Variants in TEKT1 observed in about 807,000 individuals in gnomAD.
The protein encoded by TEKT1 is tektin-1.
In TEKT1, 32 loss-of-function variants were observed where a neutral mutation model predicts 34.8. The observed-to-expected ratio is 0.92, with a 90% CI of 0.69 to 1.23. TEKT1 has a LOEUF of 1.23. Ranked by LOEUF, TEKT1 falls within the 50% of genes most tolerant of loss-of-function variation. The pLI, the probability that TEKT1 is intolerant of heterozygous loss-of-function variation, is 0.00. For synonymous variants in TEKT1, 207 were observed against 199.8 expected, an observed-to-expected ratio of 1.04 and a Z score of -0.30; for missense variants, 492 against 518.5, an observed-to-expected ratio of 0.95 and a Z score of 0.50.
rs376531694 is a variant in TEKT1, at chr17:6,798,337, C to T, written c.*1690G>A. The T allele has an allele frequency of 5.9e-5, 9 of 152,398 alleles. No homozygotes were observed. The East Asian group carries it at 1.4e-3, about 23-fold the overall frequency. The allele number at this position is 152,398 out of a possible 1,614,324, so 9.4% of individuals were successfully genotyped here. On this transcript the variant is annotated 3_prime_UTR_variant, in exon 8 of 8. Coordinates refer to ENST00000338694, the MANE Select transcript of TEKT1 (RefSeq NM_053285.2). ...GCTGGCTGCCTCTGAGAGCTGTATT[C>T]ACAAGGAAGGATTTTGCCCAGTGTC...
intron 2 of TEKT1, among the ~76,000 whole-genome samples, chr17:6,828,923 G>A (rs1454992236): frequency 6.6e-6 from 1 of 152,036 alleles, no homozygotes; most frequent in Non-Finnish European, 1.5e-5. Flanking sequence ...GGCTGAGGCG[G>A]GCGGACCACC....
chr17:6,830,063 G>A (rs1475390934), intron 2 of TEKT1, 124 bp downstream of exon 2: 4 of 979,232 alleles, frequency 4.1e-6, no homozygotes, highest in Non-Finnish European at 5.9e-6. Flanking sequence ...AGAACCTGGA[G>A]AATACACATG....
chr17:6,799,330 T>C lies in TEKT1; in HGVS notation c.*697A>G, dbSNP rs1423473706. The C allele has an allele frequency of 2.0e-5, 3 of 152,222 alleles. No individual in the cohort carries two copies. The highest frequency in any genetic ancestry group is 2.9e-5 in the Non-Finnish European group (2 of 68,044). 9.4% of individuals were successfully genotyped at this position (152,222 alleles called of 1,614,324 possible). On this transcript the variant is annotated 3_prime_UTR_variant, in exon 8 of 8. Coordinates refer to ENST00000338694, the MANE Select transcript of TEKT1 (RefSeq NM_053285.2). ...AAAAATAATCCTGAAATTGAGTTTA[T>C]GCCATGAGTACAATTGTGCAGAAAT...
intron 2 of TEKT1, among the ~76,000 whole-genome samples, chr17:6,819,612 C>G (rs1202859414): frequency 6.6e-6 from 1 of 152,218 alleles, no homozygotes. Context: ...TTTTTAATAA[C>G]TTTTAATTTT....
chr17:6,799,231 C>T lies in TEKT1; in HGVS notation c.*796G>A, dbSNP rs1263440994. 41 of 151,956 alleles carry T rather than the reference C, an allele frequency of 2.7e-4. No individual in the cohort carries two copies. Among genetic ancestry groups the T allele is most frequent in the South Asian group, 1.0e-3 (5 of 4,810 alleles). 9.4% of individuals were successfully genotyped at this position (151,956 alleles called of 1,614,324 possible). A position where few individuals can be genotyped will look rare whatever the true frequency, so the allele number is the denominator to read the frequency against. On this transcript the variant is annotated 3_prime_UTR_variant, in exon 8 of 8. Transcript: ENST00000338694. ...CTTGCTGAAAACTTGTAAAGAGGTA[C>T]GTAACCATTAAAATAATTATAAAGA...
intron 2 of TEKT1, among the ~76,000 whole-genome samples, chr17:6,826,841 A>G (rs964185265): frequency 1.2e-4 from 18 of 151,558 alleles, no homozygotes; most frequent in Admixed American, 2.6e-4. Flanking sequence ...GACTACAGGC[A>G]CCCGCCACCA....
At chr17:6,827,212 G>A (rs193140742) in intron 2 of TEKT1, among the ~76,000 whole-genome samples, 14 of 151,640 alleles carry the variant, frequency 9.2e-5, no homozygotes, top group Non-Finnish European at 1.9e-4. Flanking sequence ...CAGTACCTAC[G>A]GTAGAAGTCT....
In TEKT1 at chr17:6,830,310, G is replaced by A; in HGVS notation, c.67C>T (p.Gln23Ter). 1 of 1,611,820 alleles carries A rather than the reference G, an allele frequency of 6.2e-7. No individual in the cohort carries two copies. The highest frequency in any genetic ancestry group is 8.5e-7 in the Non-Finnish European group (1 of 1,179,672). ...CTTTGAGCGTCTGCTCTGTGGTACTGGTTCTTGTTAGCAATGTGCCACTCT... is the reference window on the plus strand; with the variant it reads ...CTTTGAGCGTCTGCTCTGTGGTACTAGTTCTTGTTAGCAATGTGCCACTCT... ...PSEWHIANKN[Q>*]YHRADAQRSR... The change falls in exon 2 of 8, where the codon CAG becomes TAG. Residue 23 changes from glutamine (Q) to a stop codon, truncating the protein, a stop_gained. Transcript: ENST00000338694. LOFTEE classifies it high-confidence loss of function.
chr17:6,813,180 C>A (rs1450386597), intron 5 of TEKT1, 127 bp from the exon 6 acceptor site: 2 of 767,420 alleles, frequency 2.6e-6, no homozygotes, highest in Non-Finnish European at 4.1e-6. Flanking sequence ...CTAGGCAGAG[C>A]AAATAGTGGT....
intron 4 of TEKT1, 112 bp from the exon 5 acceptor site, chr17:6,815,418 G>C: frequency 2.3e-6 from 3 of 1,279,482 alleles, no homozygotes; most frequent in Non-Finnish European, 3.4e-6. Flanking sequence ...GCAGGATGAT[G>C]GTACTGCCCC....
At chr17:6,800,271 C>G (rs1264619579) in intron 7 of TEKT1, 37 bp from the exon 8 acceptor site, 1 of 1,587,498 alleles carries the variant, frequency 6.3e-7, no homozygotes, top group Non-Finnish European at 8.6e-7. Context: ...AATAATTTCT[C>G]TCTATGCATT....
At chr17:6,807,393 CT>C (rs1181682712) in intron 6 of TEKT1, among the ~76,000 whole-genome samples, 1 of 152,088 alleles carries the variant, frequency 6.6e-6, no homozygotes, top group Non-Finnish European at 1.5e-5. Flanking sequence ...AGGTTTTTAA[CT>C]TCTTTGCCAT....
chr17:6,800,593 G>A (rs760969419), intron 7 of TEKT1, among the ~76,000 whole-genome samples, 154 bp downstream of exon 7: 9 of 152,144 alleles, frequency 5.9e-5, no homozygotes, highest in Non-Finnish European at 1.2e-4. Context: ...CAATTTTGGC[G>A]GGAGGTGGTG....
chr17:6,822,206 A>G (rs2151590296), intron 2 of TEKT1, among the ~76,000 whole-genome samples: 1 of 152,228 alleles, frequency 6.6e-6, no homozygotes, highest in East Asian at 1.9e-4. Context: ...GCACAACCAT[A>G]GCTCACTGTA....
chr17:6,807,687 G>T (rs1467019453), intron 6 of TEKT1, among the ~76,000 whole-genome samples: 1 of 152,184 alleles, frequency 6.6e-6, no homozygotes, highest in Non-Finnish European at 1.5e-5. Context: ...TCTTCTAACA[G>T]TCAGGACCCT....
intron 2 of TEKT1, among the ~76,000 whole-genome samples, chr17:6,829,192 A>G (rs1414509645): frequency 6.6e-6 from 1 of 152,188 alleles, no homozygotes; most frequent in Non-Finnish European, 1.5e-5. Context: ...GGAATTGTCA[A>G]GAGAAAATGA....
intron 6 of TEKT1, among the ~76,000 whole-genome samples, chr17:6,803,149 T>C (rs957139901): frequency 1.2e-4 from 18 of 152,328 alleles, no homozygotes; most frequent in Non-Finnish European, 2.2e-4. Context: ...ATGATCGCCA[T>C]TCTAACTGGT....
At chr17:6,812,115 T>G (rs8076414) in intron 6 of TEKT1, among the ~76,000 whole-genome samples, 6,677 of 152,092 alleles carry the variant, frequency 0.044, 207 homozygotes, top group Admixed American at 0.063. Flanking sequence ...TGAGATCTGA[T>G]GGTTTTAAAA....
At chr17:6,807,600 T>C (rs945985750) in intron 6 of TEKT1, among the ~76,000 whole-genome samples, 3 of 152,236 alleles carry the variant, frequency 2.0e-5, no homozygotes, top group Non-Finnish European at 2.9e-5. Context: ...TTTGTGGTTT[T>C]ATCTACCTTT....
Sources: allele counts gnomAD v4.1 joint callset (sites outside exome capture counted in the v4.1 genomes callset), GRCh38; gene constraint gnomAD v4.1.1; transcripts MANE v1.5; gene names NCBI Gene and HGNC (gene_info 2026-07-23, HGNC 2026-07-21).